RBFOX1: variants seen among roughly 807,000 people sequenced by gnomAD.
RBFOX1 encodes RNA binding protein fox-1 homolog 1.
A neutral mutation model predicts 57.7 loss-of-function variants in RBFOX1; 8 were observed. That is an observed-to-expected ratio of 0.14 (90% CI 0.08 to 0.25). The LOEUF (loss-of-function observed/expected upper bound fraction) is 0.25, where lower values mean the gene tolerates loss of function less well. Among genes scored for constraint, RBFOX1 ranks in the 10% least tolerant of loss-of-function variants. The pLI is 1.00. For synonymous variants in RBFOX1, 326 were observed against 222.4 expected (o/e 1.47, Z -4.15); for missense variants, 611 against 548.5 (o/e 1.11, Z -1.14).
At chr16:5,940,215 C>G (rs886740844) in intron 4 of RBFOX1, among the ~76,000 whole-genome samples, 1 of 152,184 alleles carries the variant, frequency 6.6e-6, no homozygotes, top group African/African-American at 2.4e-5. Flanking sequence ...GAAACCATCT[C>G]TAGTTGTGTG....
chr16:5,941,327 A>AT (rs971538461), intron 4 of RBFOX1, among the ~76,000 whole-genome samples: 29 of 149,464 alleles, frequency 1.9e-4, no homozygotes, highest in South Asian at 1.7e-3. Flanking sequence ...TTATCTCTAC[A>AT]TTTTTTTTTT....
intron 2 of RBFOX1, among the ~76,000 whole-genome samples, chr16:6,379,691 A>AAG (rs1366751426): frequency 1.3e-5 from 2 of 152,098 alleles, no homozygotes; most frequent in Non-Finnish European, 2.9e-5. Flanking sequence ...CAAAAAAAAA[A>AAG]AAAAAAAGTC....
At chr16:7,263,194 G>T (rs2094989272) in intron 4 of RBFOX1, among the ~76,000 whole-genome samples, 1 of 152,200 alleles carries the variant, frequency 6.6e-6, no homozygotes, top group South Asian at 2.1e-4. Context: ...GCCACTTGAT[G>T]GCAGAGCCGT....
At chr16:5,611,659 C>A (rs1050435075) in intron 3 of RBFOX1, among the ~76,000 whole-genome samples, 19 of 152,098 alleles carry the variant, frequency 1.2e-4, no homozygotes, top group South Asian at 4.2e-4. Context: ...TCCATCCCTC[C>A]ATCTACTCTC....
At chr16:5,781,999 A>G (rs1400515428) in intron 3 of RBFOX1, among the ~76,000 whole-genome samples, 1 of 152,246 alleles carries the variant, frequency 6.6e-6, no homozygotes, top group African/African-American at 2.4e-5. Context: ...TGAGGTCAGG[A>G]GTTCAAGACC....
chr16:7,090,045 T>C (rs2060572055), intron 4 of RBFOX1, among the ~76,000 whole-genome samples: 1 of 152,204 alleles, frequency 6.6e-6, no homozygotes, highest in Admixed American at 6.5e-5. Flanking sequence ...TCTTCTTTTT[T>C]AATGCAGAGG....
At chr16:6,964,210 G>C (rs376869694) in intron 3 of RBFOX1, among the ~76,000 whole-genome samples, 17 of 151,908 alleles carry the variant, frequency 1.1e-4, no homozygotes, top group Admixed American at 9.2e-4. Context: ...GTAGAGATGG[G>C]GTTTCACCTT....
At chr16:5,426,518 G>A (rs546920886) in intron 1 of RBFOX1, among the ~76,000 whole-genome samples, 1 of 152,320 alleles carries the variant, frequency 6.6e-6, no homozygotes, top group South Asian at 2.1e-4. Context: ...AGAGCCACGT[G>A]CTTCTCTCCA....
chr16:5,484,267 C>G (rs1331112779), intron 2 of RBFOX1, among the ~76,000 whole-genome samples: 1 of 152,252 alleles, frequency 6.6e-6, no homozygotes, highest in Admixed American at 6.5e-5. Flanking sequence ...ATGAATCTGG[C>G]TGGACAGAGC....
chr16:7,436,675 T>C (rs999983411), intron 4 of RBFOX1, among the ~76,000 whole-genome samples: 6 of 152,366 alleles, frequency 3.9e-5, no homozygotes, highest in Admixed American at 2.0e-4. Context: ...GAGGATGAGA[T>C]GTCCTGAGCT....
intron 1 of RBFOX1, among the ~76,000 whole-genome samples, chr16:6,144,174 A>G (rs2096740639): frequency 6.6e-6 from 1 of 152,136 alleles, no homozygotes; most frequent in South Asian, 2.1e-4. Flanking sequence ...TAGACTCTAC[A>G]GATTATATCC....
At chr16:5,928,086 TTTTA>T (rs1422051676) in intron 4 of RBFOX1, among the ~76,000 whole-genome samples, 1 of 152,122 alleles carries the variant, frequency 6.6e-6, no homozygotes, top group African/African-American at 2.4e-5. Flanking sequence ...TGTATTTTAT[TTTTA>T]TTTATTTATT....
chr16:7,589,936 T>TGG (rs1406018784), intron 7 of RBFOX1, among the ~76,000 whole-genome samples: 1 of 150,504 alleles, frequency 6.6e-6, no homozygotes, highest in African/African-American at 2.4e-5. Flanking sequence ...TGTGTGTGTG[T>TGG]GTGTGTGTGT....
At chr16:7,203,349 C>T (rs543332893) in intron 4 of RBFOX1, among the ~76,000 whole-genome samples, 3 of 152,060 alleles carry the variant, frequency 2.0e-5, no homozygotes, top group Non-Finnish European at 2.9e-5. Flanking sequence ...AGCAGAGAGT[C>T]AAGGAGAATG....
chr16:6,517,427 C>A (rs180717440), intron 2 of RBFOX1, among the ~76,000 whole-genome samples: 1 of 152,276 alleles, frequency 6.6e-6, no homozygotes, highest in East Asian at 1.9e-4. Flanking sequence ...GTCTCTCTTT[C>A]TCCTTCTCTG....
At chr16:5,437,445 G>T (rs748699402) in intron 1 of RBFOX1, among the ~76,000 whole-genome samples, 1 of 152,172 alleles carries the variant, frequency 6.6e-6, no homozygotes, top group East Asian at 1.9e-4. Context: ...CCTAAGTATC[G>T]TAAAAACATG....
At chr16:5,888,781 G>T (rs990230755) in intron 4 of RBFOX1, among the ~76,000 whole-genome samples, 1 of 114,906 alleles carries the variant, frequency 8.7e-6, no homozygotes, top group Admixed American at 1.1e-4. Flanking sequence ...TGGGCGACAA[G>T]AGCGAAACTC....
rs59311923 is a variant in RBFOX1 at position 5,530,933 on chromosome 16, T to TAAAAAAAAAAAAA, written c.258+63709_258+63721dup. ...CGAAACCCTGTCTCTACTAAAAATA[T>TAAAAAAAAAAAAA]AAAAAAAAAAAAAAAAAAAAAAAAA... On this transcript the variant is annotated intron_variant, in intron 2 of 2. Coordinates refer to the RBFOX1 transcript ENST00000585867. Among the ~76,000 whole-genome samples, 16 of 55,044 alleles carry TAAAAAAAAAAAAA rather than the reference T, an allele frequency of 2.9e-4. 3 individuals carry two copies. The highest frequency in any genetic ancestry group is 4.1e-4 in the Non-Finnish European group (13 of 32,064). 36.1% of individuals were successfully genotyped at this position (55,044 alleles called of 152,430 possible).
intron 3 of RBFOX1, among the ~76,000 whole-genome samples, chr16:5,679,887 ATGTTTAGTCTGGTGCCTAG>A (rs2050277973): frequency 1.3e-5 from 2 of 152,172 alleles, no homozygotes; most frequent in African/African-American, 2.4e-5. Flanking sequence ...AGTGAGCAAA[ATGTTTAGTCTGGTGCCTAG>A]TGTTTAGTCT....
Sources: gnomAD v4.1 joint callset for allele counts (sites outside exome capture counted in the v4.1 genomes callset) on GRCh38, gnomAD v4.1.1 for gene constraint, MANE v1.5 for transcripts, NCBI Gene and HGNC (gene_info 2026-07-23, HGNC 2026-07-21) for gene names.